The following USP37 variants were observed in gnomAD, a reference collection of about 807,000 sequenced individuals.
USP37 encodes ubiquitin carboxyl-terminal hydrolase 37.
USP37 carries 27 observed loss-of-function variants against 124.0 expected under a neutral mutation model. The observed-to-expected ratio is 0.22, with a 90% CI of 0.16 to 0.30. The LOEUF is 0.30. Ranked by LOEUF, USP37 falls within the 10% of genes least tolerant of loss-of-function variation. USP37 has a pLI of 1.00. For synonymous variants in USP37, 365 were observed against 388.0 expected, an observed-to-expected ratio of 0.94 and a Z score of 0.70; for missense variants, 889 against 1,140.4, an observed-to-expected ratio of 0.78 and a Z score of 3.17.
At chr2:218,551,340 G>C (rs749779425) in intron 5 of USP37, among the ~76,000 whole-genome samples, 1 of 152,222 alleles carries the variant, frequency 6.6e-6, no homozygotes, top group Non-Finnish European at 1.5e-5. Flanking sequence ...AATGAATTAA[G>C]AGTTAAGCCC....
chr2:218,554,687 C>T (rs1448150313), intron 4 of USP37, among the ~76,000 whole-genome samples: 2 of 149,432 alleles, frequency 1.3e-5, no homozygotes, highest in Non-Finnish European at 3.0e-5. Flanking sequence ...GTGGAGGCTG[C>T]AGTGAGTTGA....
chr2:218,501,057 T>C (rs1169279694), intron 11 of USP37: 1 of 153,442 alleles, frequency 6.5e-6, no homozygotes, highest in African/African-American at 2.4e-5. Context: ...TTTTTTTTTT[T>C]TGAGAGGGTC....
At position 218,565,389 on chromosome 2, in the gene USP37, T is replaced by C. The variant is rs1421892987; in HGVS notation, c.-229-2576A>G. Among the ~76,000 whole-genome samples, 5 of 152,206 alleles carry C rather than the reference T, an allele frequency of 3.3e-5. No homozygotes were observed. In the East Asian group the frequency reaches 7.7e-4, roughly 23 times the overall value. On this transcript the variant is annotated intron_variant, in intron 1 of 25. Transcript: ENST00000258399. ...GCTTTCTTTCCTTTAAAAAGACCTATAAAACAAATGGACAAAGGAGAAAAA... is the reference window on the plus strand; with the variant it reads ...GCTTTCTTTCCTTTAAAAAGACCTACAAAACAAATGGACAAAGGAGAAAAA...
chr2:218,509,458 A>T (rs1489750368), intron 11 of USP37, among the ~76,000 whole-genome samples: 1 of 152,188 alleles, frequency 6.6e-6, no homozygotes, highest in Non-Finnish European at 1.5e-5. Context: ...TTTAGGTAAT[A>T]GAGCTACTGG....
In USP37 at chr2:218,546,203, G is replaced by C; in HGVS notation, c.680+18C>G. ...GAAACACTGCTCTAACACTATAAAG[G>C]CCCTTAAAGTAACTTACGATGATGA... On this transcript the variant is annotated intron_variant, in intron 8 of 25. Transcript: ENST00000258399. 6.3e-7 allele frequency: 1 copy of C among 1,594,692 alleles called. No individual in the cohort carries two copies. The highest frequency in any genetic ancestry group is 8.6e-7 in the Non-Finnish European group (1 of 1,165,272).
intron 8 of USP37, among the ~76,000 whole-genome samples, chr2:218,543,403 G>A (rs1692096984): frequency 6.7e-6 from 1 of 148,620 alleles, no homozygotes; most frequent in African/African-American, 2.5e-5. Flanking sequence ...TTGGGAAGCT[G>A]AGGCAGGAGA....
chr2:218,531,797 T>C (rs1344319670), intron 9 of USP37, among the ~76,000 whole-genome samples: 1 of 152,184 alleles, frequency 6.6e-6, no homozygotes, highest in African/African-American at 2.4e-5. Flanking sequence ...AAGACATCAG[T>C]GGAGATGCAG....
intron 10 of USP37, among the ~76,000 whole-genome samples, chr2:218,526,457 T>C (rs1040497212): frequency 1.9e-4 from 29 of 151,922 alleles, no homozygotes; most frequent in African/African-American, 6.3e-4. Flanking sequence ...CTGGTTCGAA[T>C]GGTATTTCTG....
In USP37 at chr2:218,451,187, G is replaced by T. The variant is rs1689468288; in HGVS notation, c.*3743C>A. 1 of 152,194 alleles carries T rather than the reference G, an allele frequency of 6.6e-6. No individual in the cohort carries two copies. The highest frequency in any genetic ancestry group is 2.4e-5 in the African/African-American group (1 of 41,452). 9.4% of individuals were successfully genotyped at this position (152,194 alleles called of 1,614,324 possible). On this transcript the variant is annotated 3_prime_UTR_variant, in exon 26 of 26. Coordinates refer to ENST00000258399, the MANE Select transcript of USP37 (RefSeq NM_020935.3). Reference sequence around the variant, plus strand: ...ATTTAGTTTTTGTATACACTTGCAAGAGTGCATTACTCAGTATAAAGCAAA... The same window carrying T: ...ATTTAGTTTTTGTATACACTTGCAATAGTGCATTACTCAGTATAAAGCAAA...
At chr2:218,515,228 C>T (rs1223674165) in intron 10 of USP37, among the ~76,000 whole-genome samples, 1 of 151,592 alleles carries the variant, frequency 6.6e-6, no homozygotes, top group Admixed American at 6.6e-5. Context: ...TTTAAGAGCC[C>T]GTATAGCCAA....
At chr2:218,459,960 G>C in intron 22 of USP37, 55 bp from the exon 23 acceptor site, 1 of 1,397,372 alleles carries the variant, frequency 7.2e-7, no homozygotes, top group South Asian at 1.2e-5. Context: ...AATGGACGTG[G>C]TGGCTCACAC....
chr2:218,559,217 G>A (rs1693185650), intron 3 of USP37, among the ~76,000 whole-genome samples: 1 of 152,130 alleles, frequency 6.6e-6, no homozygotes, highest in South Asian at 2.1e-4. Flanking sequence ...GGGCTGAAGT[G>A]GGAGGATCAC....
intron 10 of USP37, among the ~76,000 whole-genome samples, chr2:218,518,664 C>T (rs555752778): frequency 1.3e-5 from 2 of 152,122 alleles, no homozygotes; most frequent in South Asian, 2.1e-4. Flanking sequence ...AATATAAAAC[C>T]GGTTAAGATA....
intron 15 of USP37, 118 bp from the exon 16 acceptor site, chr2:218,485,861 T>TA: frequency 8.7e-7 from 1 of 1,145,238 alleles, no homozygotes; most frequent in Non-Finnish European, 1.2e-6. Flanking sequence ...GAACCAGTTT[T>TA]AAAAATTCTG....
Position 218,517,214 on chromosome 2 carries a change from T to A in USP37, c.864-7074A>T, listed in dbSNP as rs78854267. Reference sequence around the variant, plus strand: ...AATTTAACTCCATTTAATTATTCTGTGTCTTCCTTCACTTCTGGTTTATAT... The same window carrying A: ...AATTTAACTCCATTTAATTATTCTGAGTCTTCCTTCACTTCTGGTTTATAT... On this transcript the variant is annotated intron_variant, in intron 10 of 25. Coordinates refer to ENST00000258399, the MANE Select transcript of USP37 (RefSeq NM_020935.3). Among the ~76,000 whole-genome samples, 262 of 152,348 alleles carry A rather than the reference T, an allele frequency of 1.7e-3. 8 individuals carry two copies. In the East Asian group the frequency reaches 0.046, roughly 27 times the overall value.
intron 14 of USP37, among the ~76,000 whole-genome samples, chr2:218,493,849 G>C (rs1465624662): frequency 1.3e-5 from 2 of 152,112 alleles, no homozygotes; most frequent in African/African-American, 2.4e-5. Context: ...AGAGCTGGTG[G>C]ACTGCCTGTG....
chr2:218,541,363 G>C (rs1307876299), intron 8 of USP37, among the ~76,000 whole-genome samples: 6 of 152,174 alleles, frequency 3.9e-5, no homozygotes, highest in African/African-American at 1.4e-4. Flanking sequence ...ACGGGTTGCT[G>C]CTATATAACG....
chr2:218,485,294 C>A (rs753427365), intron 16 of USP37, among the ~76,000 whole-genome samples: 22 of 151,868 alleles, frequency 1.4e-4, no homozygotes, highest in Non-Finnish European at 3.1e-4. Flanking sequence ...ATATTTCAAA[C>A]GCTTTTCCTT....
intron 10 of USP37, among the ~76,000 whole-genome samples, chr2:218,520,742 C>A (rs1335642107): frequency 6.6e-6 from 1 of 152,230 alleles, no homozygotes; most frequent in Non-Finnish European, 1.5e-5. Context: ...GTTTTTATAT[C>A]TCTTAAATCA....
Sources: gnomAD v4.1 joint callset for allele counts (sites outside exome capture counted in the v4.1 genomes callset) on GRCh38, gnomAD v4.1.1 for gene constraint, MANE v1.5 for transcripts, NCBI Gene and HGNC (gene_info 2026-07-23, HGNC 2026-07-21) for gene names.